The following PTPN23 variants were observed in gnomAD, a reference collection of about 807,000 sequenced individuals.
PTPN23 encodes the protein protein tyrosine phosphatase non-receptor type 23.
PTPN23 carries 72 observed loss-of-function variants against 156.3 expected under a neutral mutation model. That is an observed-to-expected ratio of 0.46 (90% CI 0.38 to 0.56). The LOEUF (loss-of-function observed/expected upper bound fraction) is 0.56. PTPN23 is among the 20% of genes least tolerant of loss of function. PTPN23 has a pLI of 0.00. For missense variants in PTPN23, 1,974 were observed against 2,171.5 expected (o/e 0.91, Z 1.81); for synonymous variants, 957 against 899.6 (o/e 1.06, Z -1.14).
intron 1 of PTPN23, among the ~76,000 whole-genome samples, chr3:47,390,444 C>A (rs1011344918): frequency 3.9e-5 from 6 of 152,166 alleles, no homozygotes; most frequent in African/African-American, 1.4e-4. Flanking sequence ...TTTGGAGGTT[C>A]TCTGGTCTTC....
At chr3:47,384,327 G>C (rs1704610433) in intron 1 of PTPN23, among the ~76,000 whole-genome samples, 1 of 151,852 alleles carries the variant, frequency 6.6e-6, no homozygotes, top group East Asian at 1.9e-4. Context: ...AATTAGCCAG[G>C]CATAGTGGCG....
At chr3:47,396,561 C>T (rs929256596) in intron 2 of PTPN23, among the ~76,000 whole-genome samples, 4 of 151,820 alleles carry the variant, frequency 2.6e-5, no homozygotes, top group Non-Finnish European at 5.9e-5. Flanking sequence ...GGTGATAGAG[C>T]GAGACTCCAT....
intron 1 of PTPN23, among the ~76,000 whole-genome samples, chr3:47,383,568 TA>T (rs1704592941): frequency 1.3e-5 from 2 of 152,148 alleles, no homozygotes; most frequent in South Asian, 4.1e-4. Context: ...GTCAGAAAAA[TA>T]TTTCTCAAAT....
At chr3:47,391,981 T>C (rs930569753) in intron 1 of PTPN23, among the ~76,000 whole-genome samples, 3 of 152,120 alleles carry the variant, frequency 2.0e-5, no homozygotes, top group Non-Finnish European at 1.5e-5. Flanking sequence ...GAACTCCTGG[T>C]GTCAAGCAGT....
rs772544594 is a variant in PTPN23, at chr3:47,396,139, G to C, written c.85-4G>C. 6.8e-6 allele frequency: 11 copies of C among 1,610,802 alleles called. No individual in the cohort carries two copies. In the East Asian group the frequency reaches 8.9e-5, roughly 13 times the overall value. On this transcript the variant is annotated splice_polypyrimidine_tract_variant and splice_region_variant and intron_variant, in intron 1 of 24. Coordinates refer to ENST00000265562, the MANE Select transcript of PTPN23 (RefSeq NM_015466.4). ...CACTGGCTTATGTTCTTCTCTCTCT[G>C]TAGTTTGTCCTGAAGAATTATGGAG...
At chr3:47,395,286 T>C (rs1040971691) in intron 1 of PTPN23, among the ~76,000 whole-genome samples, 2 of 152,220 alleles carry the variant, frequency 1.3e-5, no homozygotes, top group Non-Finnish European at 2.9e-5. Context: ...ACCTTGGTCA[T>C]GGCCTTAAGG....
intron 18 of PTPN23, 25 bp downstream of exon 18, chr3:47,409,593 TC>T (rs1559527186): frequency 1.9e-6 from 3 of 1,612,580 alleles, no homozygotes; most frequent in Non-Finnish European, 2.5e-6. Flanking sequence ...CTCTGCTCTT[TC>T]CCGGAGCCAC....
intron 2 of PTPN23, among the ~76,000 whole-genome samples, chr3:47,397,902 C>T (rs1365032621): frequency 6.6e-6 from 1 of 152,110 alleles, no homozygotes; most frequent in Non-Finnish European, 1.5e-5. Context: ...ACCTCCTGAC[C>T]TCAGGTAATC....
chr3:47,385,761 A>C (rs920811244), intron 1 of PTPN23, among the ~76,000 whole-genome samples: 7 of 152,206 alleles, frequency 4.6e-5, no homozygotes, highest in African/African-American at 1.7e-4. Context: ...GTGCAGGTGT[A>C]CATCTGGCTG....
At chr3:47,386,228 C>T (rs1312278987) in intron 1 of PTPN23, among the ~76,000 whole-genome samples, 1 of 151,870 alleles carries the variant, frequency 6.6e-6, no homozygotes, top group Admixed American at 6.6e-5. Context: ...ATAAATGGTG[C>T]AATCTTGGCT....
At position 47,411,959 on chromosome 3, in the gene PTPN23, G is replaced by A. The variant is rs1422753353; in HGVS notation, c.4065G>A (p.Trp1355Ter). The A allele has an allele frequency of 6.2e-7, 1 of 1,611,460 alleles. No individual in the cohort carries two copies. The highest frequency in any genetic ancestry group is 8.5e-7 in the Non-Finnish European group (1 of 1,178,832). Residue 1355 changes from tryptophan to a stop codon, truncating the protein, a stop_gained, in exon 21 of 25, where the codon TGG (tryptophan) becomes TGA (stop). Coordinates refer to ENST00000265562, the MANE Select transcript of PTPN23 (RefSeq NM_015466.4). LOFTEE classifies it high-confidence loss of function. This position sits in a 1 kb window ranked among gnomAD's most constrained non-coding sequence, Gnocchi z 6.3. ...TTGTGCACCTGCACTTCCCCACTTG[G>A]CCTGAGTTGTGAGTCCACTGCTCTG... ...RSLVHLHFPT[W>*]PELGLPDSPS...
Position 47,405,815 on chromosome 3 carries a change from T to C in PTPN23, c.414+17T>C, listed in dbSNP as rs2107714358. The C allele has an allele frequency of 1.3e-6, 2 of 1,589,418 alleles. No homozygotes were observed. On this transcript the variant is annotated intron_variant, in intron 5 of 24. Transcript: ENST00000265562. The surrounding 1 kb of genome is among the most constrained non-coding windows in gnomAD (Gnocchi z 4.7). ...TCTGAGGAGGTGAGGAGAGGGGCAG[T>C]AGTGGAACATGTGGACATACCAGGG...
intron 1 of PTPN23, among the ~76,000 whole-genome samples, chr3:47,387,660 T>A (rs1025093932): frequency 6.6e-6 from 1 of 151,876 alleles, no homozygotes; most frequent in Non-Finnish European, 1.5e-5. Flanking sequence ...AAAAGAAACA[T>A]AATGTAACTG....
At position 47,396,439 on chromosome 3, in the gene PTPN23, G is replaced by T. The variant is rs7615124; in HGVS notation, c.159+222G>T. The T allele has an allele frequency of 4.2e-3, 1,486 of 355,948 alleles. 22 individuals carry two copies. Among genetic ancestry groups the T allele is most frequent in the African/African-American group, 0.03 (1,389 of 46,414 alleles). The allele number at this position is 355,948 out of a possible 1,614,324, so 22.0% of individuals were successfully genotyped here. ...AAAATACAAAAATTAGGCAGGTGTG[G>T]TGTCATGTGCCTGTAGTTCCGGCTA... On this transcript the variant is annotated intron_variant, in intron 2 of 24. Coordinates refer to ENST00000265562, the MANE Select transcript of PTPN23 (RefSeq NM_015466.4).
chr3:47,381,248 C>T (rs1704530807), intron 1 of PTPN23, 68 bp downstream of exon 1: 1 of 1,537,326 alleles, frequency 6.5e-7, no homozygotes, highest in African/African-American at 1.4e-5. Context: ...GCGTGACGCC[C>T]CCCTGCGCGC....
chr3:47,408,731 C>T (rs541258565), intron 15 of PTPN23, 45 bp from the exon 16 acceptor site: 36 of 1,548,270 alleles, frequency 2.3e-5, no homozygotes, highest in African/African-American at 5.5e-5. Context: ...CATGGGTGCC[C>T]GGTCAGCCTG....
In PTPN23 at chr3:47,411,346, G is replaced by C; in HGVS notation, c.3548G>C (p.Gly1183Ala). 6.2e-7 allele frequency: 1 copy of C among 1,612,956 alleles called. No individual in the cohort carries two copies. Among genetic ancestry groups the C allele is most frequent in the African/African-American group, 1.3e-5 (1 of 75,064 alleles). Residue 1183 changes from glycine (G) to alanine (A), a missense_variant, in exon 20 of 25, where the codon GGT (glycine) becomes GCT (alanine). By Grantham distance (60) the Gly-to-Ala change is moderately conservative. This residue lies in a region of PTPN23 where 731 missense variants were observed against 669.1 expected (regional missense o/e 1.09). Transcript: ENST00000265562. This position sits in a 1 kb window ranked among gnomAD's most constrained non-coding sequence, Gnocchi z 6.3. Reference protein sequence around the residue: ...QLQQELEAFRGQLGDVGALDT... With the variant: ...QLQQELEAFRAQLGDVGALDT... ...CAGCAGGAGCTGGAGGCCTTTCGGGGTCAGCTGGGGGATGTGGGAGCTCTG... is the reference window on the plus strand; with the variant it reads ...CAGCAGGAGCTGGAGGCCTTTCGGGCTCAGCTGGGGGATGTGGGAGCTCTG...
At chr3:47,386,654 A>T (rs1436339318) in intron 1 of PTPN23, among the ~76,000 whole-genome samples, 1 of 152,210 alleles carries the variant, frequency 6.6e-6, no homozygotes, top group African/African-American at 2.4e-5. Flanking sequence ...AAATAAGAGG[A>T]CTAGAGGCCT....
At position 47,406,357 on chromosome 3, in the gene PTPN23, G is replaced by A. The variant is rs764721772; in HGVS notation, c.579G>A (p.Ser193=). ...CTCAGGAGTGCCTCCTGGAGAAGTC[G>A]ATGTTGGACAACAGGAAGAGCTTTC... The part of the protein sequence containing the change: ...GQAQECLLEK[S]MLDNRKSFLV... The change falls in exon 7 of 25, where the codon TCG becomes TCA. Residue 193 remains serine, a synonymous_variant. Transcript: ENST00000265562. This position sits in a 1 kb window ranked among gnomAD's most constrained non-coding sequence, Gnocchi z 5.8. 1.5e-5 allele frequency: 24 copies of A among 1,613,708 alleles called. No homozygotes were observed. In the East Asian group the frequency reaches 2.0e-4, roughly 13 times the overall value.
Sources: gnomAD v4.1 joint callset for allele counts (sites outside exome capture counted in the v4.1 genomes callset) on GRCh38, gnomAD v4.1.1 for gene constraint, gnomAD v4.1.1 regional missense constraint, Gnocchi (gnomAD v3.1) non-coding constraint, MANE v1.5 for transcripts, NCBI Gene and HGNC (gene_info 2026-07-23, HGNC 2026-07-21) for gene names.